PAAF1: variants seen among roughly 807,000 people sequenced by gnomAD.
PAAF1 encodes proteasomal ATPase associated factor 1, also known as proteasomal ATPase-associated factor 1.
PAAF1 carries 46 observed loss-of-function variants against 52.8 expected under a neutral mutation model. The ratio of observed to expected loss-of-function variants is 0.87; its 90% CI spans 0.69 to 1.11. The LOEUF is 1.11. Among genes scored for constraint, PAAF1 ranks in the 50% most tolerant of loss-of-function variants. PAAF1 has a pLI of 0.00. For missense variants in PAAF1, 424 were observed against 477.4 expected (o/e 0.89, Z 1.04); for synonymous variants, 178 against 172.8 (o/e 1.03, Z -0.24).
chr11:73,926,695 C>T (rs1950370910), intron 11 of PAAF1, among the ~76,000 whole-genome samples: 2 of 152,204 alleles, frequency 1.3e-5, no homozygotes, highest in Non-Finnish European at 2.9e-5. Context: ...AGCGACGGAG[C>T]AAGAGTCTGT....
chr11:73,930,933 T>C lies in PAAF1; in HGVS notation c.*3571T>C, dbSNP rs1403442471. 6.6e-6 allele frequency: 1 copy of C among 151,936 alleles called. No individual in the cohort carries two copies. The highest frequency in any genetic ancestry group is 1.5e-5 in the Non-Finnish European group (1 of 68,002). 9.4% of individuals were successfully genotyped at this position (151,936 alleles called of 1,614,324 possible). The stretch of plus-strand genomic sequence containing the variant: ...TCTATTGCATAGCATGGTAGATTGC[T>C]AAGAGTAAATTTCAAATGTTCTCAA... On this transcript the variant is annotated 3_prime_UTR_variant, in exon 12 of 12. Transcript: ENST00000310571.
At chr11:73,925,173 A>C (rs931214597) in intron 11 of PAAF1, among the ~76,000 whole-genome samples, 3 of 151,184 alleles carry the variant, frequency 2.0e-5, no homozygotes, top group African/African-American at 7.3e-5. Flanking sequence ...AAAAAAAAAA[A>C]AACAAGTGAC....
chr11:73,878,805 G>T lies in PAAF1; in HGVS notation c.74G>T (p.Ser25Ile), dbSNP rs1325237772. The change falls in exon 2 of 12, where the codon AGC becomes ATC. Residue 25 changes from serine to isoleucine, a missense_variant. Ser to Ile is a moderately radical substitution (Grantham distance 142). Transcript: ENST00000310571. ...LRKDEGEAWL[S>I]CHPPGKPSLY... ...AAGGATGAAGGGGAGGCCTGGCTGA[G>T]CTGTCATCCCCCAGGTAATACCCAT... 1 of 1,613,722 alleles carries T rather than the reference G, an allele frequency of 6.2e-7. No individual in the cohort carries two copies. The highest frequency in any genetic ancestry group is 1.3e-5 in the African/African-American group (1 of 74,926).
In PAAF1 at chr11:73,897,051, G is replaced by A. The variant is rs552514185; in HGVS notation, c.283-2095G>A. On this transcript the variant is annotated intron_variant, in intron 4 of 11. Transcript: ENST00000310571. ...GGGCTCCTCACTTCCCAGTAGGGGC[G>A]GCCGGGCAGAGGCGCCCCTCACCTC... 7.2e-3 allele frequency among the ~76,000 whole-genome samples: 986 copies of A among 137,056 alleles called. 14 individuals are homozygous for A. The highest frequency in any genetic ancestry group is 0.019 in the South Asian group (77 of 4,086). 89.9% of individuals were successfully genotyped at this position (137,056 alleles called of 152,430 possible).
At chr11:73,899,072 A>C (rs1949518749) in intron 4 of PAAF1, 74 bp from the exon 5 acceptor site, 11 of 1,170,620 alleles carry the variant, frequency 9.4e-6, no homozygotes, top group African/African-American at 1.5e-5. Context: ...AAAAAAGGGA[A>C]GTTTATAACA....
chr11:73,923,521 T>C (rs1042953296), intron 10 of PAAF1, among the ~76,000 whole-genome samples: 1 of 152,068 alleles, frequency 6.6e-6, no homozygotes, highest in Non-Finnish European at 1.5e-5. Context: ...CATGTACTAC[T>C]TCTATTTATT....
Position 73,909,446 on chromosome 11 carries a change from G to C in PAAF1, c.580G>C (p.Ala194Pro), listed in dbSNP as rs546690583. The C allele has an allele frequency of 1.4e-5, 22 of 1,614,118 alleles. No individual in the cohort carries two copies. The highest frequency in any genetic ancestry group is 7.7e-5 in the South Asian group (7 of 91,080). ...IVDRGRNVVS[A>P]SRDGTARLWD... ...TGATCGGGGGAGGAATGTGGTGTCT[G>C]CTTCTCGAGATGGGACAGCACGACT... Residue 194 changes from alanine to proline, a missense_variant, in exon 7 of 12, where the codon GCT becomes CCT. By Grantham distance (27) the Ala-to-Pro change is conservative (BLOSUM62 -1). Coordinates refer to ENST00000310571, the MANE Select transcript of PAAF1 (RefSeq NM_025155.3).
intron 6 of PAAF1, among the ~76,000 whole-genome samples, chr11:73,907,700 G>A (rs578177920): frequency 2.6e-5 from 4 of 152,248 alleles, no homozygotes; most frequent in East Asian, 1.9e-4. Context: ...CCATGGGAGC[G>A]GGGTAGATGA....
chr11:73,910,046 A>G (rs530057118), intron 7 of PAAF1, among the ~76,000 whole-genome samples: 1 of 152,354 alleles, frequency 6.6e-6, no homozygotes, highest in East Asian at 1.9e-4. Context: ...TAAAACATTT[A>G]GAGAACAGTA....
intron 4 of PAAF1, among the ~76,000 whole-genome samples, chr11:73,896,351 G>C (rs1391116317): frequency 6.8e-6 from 1 of 146,602 alleles, no homozygotes; most frequent in Non-Finnish European, 1.5e-5. Context: ...CGCAGAGGGG[G>C]ATTTGGCAGG....
intron 6 of PAAF1, among the ~76,000 whole-genome samples, chr11:73,907,425 G>A (rs76577804): frequency 0.025 from 3,805 of 152,206 alleles, 84 homozygotes; most frequent in Non-Finnish European, 0.041. Flanking sequence ...CTTCCCCCTT[G>A]GTCCTGTGTC....
chr11:73,902,813 C>T (rs1294187866), intron 6 of PAAF1, among the ~76,000 whole-genome samples: 1 of 152,202 alleles, frequency 6.6e-6, no homozygotes, highest in African/African-American at 2.4e-5. Flanking sequence ...TCTCCTGCCG[C>T]AGCCTCCCCA....
intron 6 of PAAF1, among the ~76,000 whole-genome samples, chr11:73,908,482 G>A (rs1379545650): frequency 6.6e-6 from 1 of 151,000 alleles, no homozygotes. Flanking sequence ...ATGGCTTACT[G>A]TAGCCTTGAA....
intron 4 of PAAF1, among the ~76,000 whole-genome samples, chr11:73,892,438 C>T (rs1297157287): frequency 6.6e-6 from 1 of 151,824 alleles, no homozygotes; most frequent in African/African-American, 2.4e-5. Flanking sequence ...GAGAATCACT[C>T]ATATTTCTGT....
chr11:73,909,079 G>A (rs980831684), intron 6 of PAAF1, among the ~76,000 whole-genome samples: 20 of 152,044 alleles, frequency 1.3e-4, no homozygotes, highest in East Asian at 5.8e-4. Flanking sequence ...GAGCCACCAC[G>A]CCCGACCTCT....
intron 2 of PAAF1, 73 bp downstream of exon 2, chr11:73,878,892 C>G: frequency 6.9e-7 from 1 of 1,445,896 alleles, no homozygotes; most frequent in East Asian, 2.3e-5. Flanking sequence ...AAGCTTCCTA[C>G]TTTCTCCTGG....
rs894873711 is a variant in PAAF1, at chr11:73,878,789, G to C, written c.58G>C (p.Gly20Arg). 6.2e-7 allele frequency: 1 copy of C among 1,613,124 alleles called. No homozygotes were observed. The highest frequency in any genetic ancestry group is 1.7e-5 in the Admixed American group (1 of 59,936). The change falls in exon 2 of 12, where the codon GGG (glycine) becomes CGG (arginine). Residue 20 changes from glycine to arginine, a missense_variant. Transcript: ENST00000310571. ...TGTCTTTCTTCGTAGGAAGGATGAA[G>C]GGGAGGCCTGGCTGAGCTGTCATCC... Reference protein sequence around the residue: ...DWAQALRKDEGEAWLSCHPPG... With the variant: ...DWAQALRKDEREAWLSCHPPG...
At chr11:73,910,267 G>C (rs889721663) in intron 7 of PAAF1, among the ~76,000 whole-genome samples, 1 of 152,062 alleles carries the variant, frequency 6.6e-6, no homozygotes, top group Non-Finnish European at 1.5e-5. Flanking sequence ...TCAGAGGGAC[G>C]GAGTGTTCCC....
At chr11:73,919,288 T>G (rs1421505876) in intron 10 of PAAF1, among the ~76,000 whole-genome samples, 1 of 152,222 alleles carries the variant, frequency 6.6e-6, no homozygotes, top group East Asian at 1.9e-4. Context: ...ACCACTCTTC[T>G]GCCTTAAAGG....
Sources: allele counts gnomAD v4.1 joint callset (sites outside exome capture counted in the v4.1 genomes callset), GRCh38; gene constraint gnomAD v4.1.1; transcripts MANE v1.5; gene names NCBI Gene and HGNC (gene_info 2026-07-23, HGNC 2026-07-21).